RPS6KC1: variants seen among roughly 807,000 people sequenced by gnomAD.
The protein encoded by RPS6KC1 is inactive ribosomal protein S6 kinase delta-1.
In RPS6KC1, 54 loss-of-function variants were observed where a neutral mutation model predicts 103.8. The observed-to-expected ratio is 0.52, with a 90% CI of 0.42 to 0.65. RPS6KC1 has a LOEUF of 0.65. Ranked by LOEUF, RPS6KC1 falls within the 30% of genes least tolerant of loss-of-function variation. RPS6KC1 has a pLI of 0.00. For missense variants in RPS6KC1, 1,151 were observed against 1,253.8 expected, an observed-to-expected ratio of 0.92 and a Z score of 1.24; for synonymous variants, 439 against 438.7, an observed-to-expected ratio of 1.00 and a Z score of -0.01.
intron 4 of RPS6KC1, among the ~76,000 whole-genome samples, chr1:213,112,630 T>C (rs979772465): frequency 6.6e-6 from 1 of 151,964 alleles, no homozygotes; most frequent in Non-Finnish European, 1.5e-5. Flanking sequence ...TAGTTACATA[T>C]GTATACATGT....
chr1:213,758,202 A>G, the RPS6KC1 span, among the ~76,000 whole-genome samples: 5 of 152,206 alleles, frequency 3.3e-5, no homozygotes, highest in African/African-American at 1.2e-4. Flanking sequence ...ACTCCCATAG[A>G]TAGTGATTCC....
the RPS6KC1 span, among the ~76,000 whole-genome samples, chr1:213,409,157 G>T: frequency 6.6e-6 from 1 of 152,082 alleles, no homozygotes; most frequent in African/African-American, 2.4e-5. Flanking sequence ...GCCTTTCCAG[G>T]GCAGGTCCCA....
At chr1:213,085,195 G>A (rs2080273409) in intron 3 of RPS6KC1, among the ~76,000 whole-genome samples, 1 of 152,142 alleles carries the variant, frequency 6.6e-6, no homozygotes, top group Admixed American at 6.5e-5. Flanking sequence ...TCCTTGGCTT[G>A]TGGCAGCATT....
chr1:213,776,530 T>G, the RPS6KC1 span, among the ~76,000 whole-genome samples: 10 of 152,326 alleles, frequency 6.6e-5, no homozygotes, highest in Middle Eastern at 3.4e-3. Context: ...AAACAGTCAG[T>G]AAACCAGGCT....
chr1:213,653,832 C>T, the RPS6KC1 span, among the ~76,000 whole-genome samples: 1 of 152,190 alleles, frequency 6.6e-6, no homozygotes. Context: ...TGCATTTTCA[C>T]ATTTTCCTGC....
the RPS6KC1 span, among the ~76,000 whole-genome samples, chr1:213,350,148 A>G: frequency 6.6e-6 from 1 of 152,184 alleles, no homozygotes; most frequent in East Asian, 1.9e-4. Flanking sequence ...GTTCCCTTGC[A>G]GAAGTGTGGG....
At chr1:213,062,692 G>T (rs1279718378) in intron 1 of RPS6KC1, among the ~76,000 whole-genome samples, 1 of 151,992 alleles carries the variant, frequency 6.6e-6, no homozygotes, top group Non-Finnish European at 1.5e-5. Flanking sequence ...GAGCAGCTGG[G>T]ACTACAGGCG....
At chr1:213,552,173 G>A in the RPS6KC1 span, among the ~76,000 whole-genome samples, 1 of 152,190 alleles carries the variant, frequency 6.6e-6, no homozygotes. Context: ...CTGTGTGCAG[G>A]TTTCTGTGTG....
chr1:213,650,523 G>C, the RPS6KC1 span, among the ~76,000 whole-genome samples: 2 of 152,162 alleles, frequency 1.3e-5, no homozygotes, highest in Non-Finnish European at 2.9e-5. Flanking sequence ...TACACCATCT[G>C]CTAGCCTCTC....
chr1:213,084,336 C>T (rs913353363), intron 3 of RPS6KC1, among the ~76,000 whole-genome samples: 5 of 152,174 alleles, frequency 3.3e-5, no homozygotes, highest in African/African-American at 9.7e-5. Context: ...GTGTCACAGT[C>T]ATGGCTCACT....
chr1:213,582,884 C>T, the RPS6KC1 span, among the ~76,000 whole-genome samples: 4 of 152,110 alleles, frequency 2.6e-5, no homozygotes, highest in Admixed American at 1.3e-4. Context: ...TGTCATCAGC[C>T]CCAGAAGCTT....
chr1:213,468,187 T>A, the RPS6KC1 span, among the ~76,000 whole-genome samples: 1 of 152,254 alleles, frequency 6.6e-6, no homozygotes, highest in African/African-American at 2.4e-5. Context: ...TCATAGGCAC[T>A]AAATGAGTGG....
the RPS6KC1 span, among the ~76,000 whole-genome samples, chr1:213,700,429 A>G: frequency 6.6e-6 from 1 of 151,850 alleles, no homozygotes; most frequent in Non-Finnish European, 1.5e-5. Flanking sequence ...TGCCAGTAAC[A>G]TGCTGTTTTG....
chr1:213,268,119 A>G (rs539206618), intron 14 of RPS6KC1, among the ~76,000 whole-genome samples: 2 of 152,168 alleles, frequency 1.3e-5, no homozygotes, highest in South Asian at 2.1e-4. Context: ...CTACACTGCA[A>G]CATATTTAGA....
intron 8 of RPS6KC1, among the ~76,000 whole-genome samples, chr1:213,194,233 G>A (rs977590518): frequency 2.0e-5 from 3 of 152,128 alleles, no homozygotes; most frequent in Non-Finnish European, 2.9e-5. Flanking sequence ...TGTAGGCAAA[G>A]CAGCATTGGG....
At chr1:213,153,263 G>C (rs1044972458) in intron 6 of RPS6KC1, among the ~76,000 whole-genome samples, 18 of 151,922 alleles carry the variant, frequency 1.2e-4, no homozygotes, top group South Asian at 4.2e-4. Context: ...AGAGGGAGAG[G>C]GAGAGGGAGA....
chr1:213,830,961 AC>A, the RPS6KC1 span, among the ~76,000 whole-genome samples: 1 of 150,740 alleles, frequency 6.6e-6, no homozygotes, highest in African/African-American at 2.4e-5. Context: ...CAGCTCAAAG[AC>A]CCCCCTGCCA....
At chr1:213,148,682 T>C (rs1337691752) in intron 6 of RPS6KC1, among the ~76,000 whole-genome samples, 1 of 152,194 alleles carries the variant, frequency 6.6e-6, no homozygotes, top group Non-Finnish European at 1.5e-5. Context: ...ATCAGGGTAA[T>C]ACTGGCCTCA....
the RPS6KC1 span, among the ~76,000 whole-genome samples, chr1:213,676,476 G>T: frequency 6.6e-6 from 1 of 152,254 alleles, no homozygotes; most frequent in Non-Finnish European, 1.5e-5. Flanking sequence ...TCCCGTGTCA[G>T]ACGGAAGGAG....
Sources: allele counts gnomAD v4.1 joint callset (sites outside exome capture counted in the v4.1 genomes callset), GRCh38; gene constraint gnomAD v4.1.1; transcripts MANE v1.5; gene names NCBI Gene and HGNC (gene_info 2026-07-23, HGNC 2026-07-21).